The following PIWIL3 variants were observed in gnomAD, a reference collection of about 807,000 sequenced individuals.
PIWIL3 encodes the protein piwi like RNA-mediated gene silencing 3.
A neutral mutation model predicts 109.7 loss-of-function variants in PIWIL3; 101 were observed. That is an observed-to-expected ratio of 0.92 (90% confidence interval 0.78 to 1.09). The LOEUF is 1.09. PIWIL3 is among the 50% of genes least tolerant of loss of function. PIWIL3 has a pLI of 0.00. For missense variants in PIWIL3, 1,031 were observed against 1,072.6 expected, an observed-to-expected ratio of 0.96 and a Z score of 0.54; for synonymous variants, 373 against 376.4, an observed-to-expected ratio of 0.99 and a Z score of 0.10.
At position 24,773,686 on chromosome 22, in the gene PIWIL3, T is replaced by G. The variant is rs569829393; in HGVS notation, c.-23+636A>C. Among the ~76,000 whole-genome samples the G allele has an allele frequency of 1.4e-4, 21 of 151,780 alleles. No homozygotes were observed. In the South Asian group the frequency reaches 4.2e-3, roughly 30 times the overall value. On this transcript the variant is annotated intron_variant, in intron 1 of 20. Transcript: ENST00000616349. ...TTTAAAAGTAGGTTATTAAAGGATATGTACAAGACACTCTAGATTTTTTTT... is the reference window on the plus strand; with the variant it reads ...TTTAAAAGTAGGTTATTAAAGGATAGGTACAAGACACTCTAGATTTTTTTT...
intron 19 of PIWIL3, among the ~76,000 whole-genome samples, chr22:24,721,357 T>C (rs2147642243): frequency 6.6e-6 from 1 of 152,360 alleles, no homozygotes; most frequent in South Asian, 2.1e-4. Flanking sequence ...CTATAACATT[T>C]CTAAGTGTGA....
At chr22:24,760,245 C>A (rs1212030678) in intron 2 of PIWIL3, among the ~76,000 whole-genome samples, 1 of 152,142 alleles carries the variant, frequency 6.6e-6, no homozygotes, top group East Asian at 1.9e-4. Flanking sequence ...GGGCAGGTTT[C>A]ACTAGCTGAT....
chr22:24,773,703 A>AT (rs61034646), intron 1 of PIWIL3, among the ~76,000 whole-genome samples: 5,365 of 110,048 alleles, frequency 0.049, 232 homozygotes, highest in East Asian at 0.096. Flanking sequence ...GACACTCTAG[A>AT]TTTTTTTTTT....
chr22:24,756,273 CATTGT>C (rs1925025666), intron 5 of PIWIL3, among the ~76,000 whole-genome samples: 1 of 151,822 alleles, frequency 6.6e-6, no homozygotes, highest in African/African-American at 2.4e-5. Flanking sequence ...TTTTGAGCCA[CATTGT>C]ATTATTAAAT....
Position 24,749,438 on chromosome 22 carries a change from G to A in PIWIL3, c.1300C>T (p.His434Tyr), listed in dbSNP as rs2147694753. The A allele has an allele frequency of 6.2e-7, 1 of 1,613,876 alleles. No individual in the cohort carries two copies. Among genetic ancestry groups the A allele is most frequent in the Non-Finnish European group, 8.5e-7 (1 of 1,180,006 alleles). ...HTRLSPRRRH[H>Y]TLKEFINTLQ... ...GTATTGATGAATTCTTTTAATGTAT[G>A]ATGCCTTCTTCTTGGACTCAATCTT... Residue 434 changes from histidine to tyrosine, a missense_variant, in exon 11 of 21, where the codon CAT (histidine) becomes TAT (tyrosine). His to Tyr is a moderately conservative substitution (Grantham distance 83, BLOSUM62 2). Coordinates refer to ENST00000616349, the MANE Select transcript of PIWIL3 (RefSeq NM_001255975.1).
At chr22:24,745,292 A>T (rs185780357) in intron 12 of PIWIL3, among the ~76,000 whole-genome samples, 42 of 152,308 alleles carry the variant, frequency 2.8e-4, no homozygotes, top group Admixed American at 4.6e-4. Flanking sequence ...CTAATGACGC[A>T]TCTTAAAGAA....
rs1555914379 is a variant in PIWIL3, at chr22:24,770,678, A to AAAAT, written c.-23+3643_-23+3644insATTT. Among the ~76,000 whole-genome samples the AAAAT allele has an allele frequency of 9.7e-3, 1,382 of 142,494 alleles. 26 individuals are homozygous for AAAAT. Among genetic ancestry groups the AAAAT allele is most frequent in the African/African-American group, 0.035 (1,311 of 37,978 alleles). 93.5% of individuals were successfully genotyped at this position (142,494 alleles called of 152,430 possible). A position where few individuals can be genotyped will look rare whatever the true frequency, so the allele number is the denominator to read the frequency against. On this transcript the variant is annotated intron_variant, in intron 1 of 20. Transcript: ENST00000616349. ...TCTCTACTAAAAAAAAAAAAAAAAA[A>AAAAT]ACAAAAATTAGCCGGGCATGGTGGC...
chr22:24,762,188 G>GA lies in PIWIL3; in HGVS notation c.102+209dup, dbSNP rs1313077493. ...TGAAAGTCAGTCTGCTTGCACATGTGAAAATGTGAGAAGGAAGCAGTGGAG... is the reference window on the plus strand; with the variant it reads ...TGAAAGTCAGTCTGCTTGCACATGTGAAAAATGTGAGAAGGAAGCAGTGGAG... On this transcript the variant is annotated intron_variant, in intron 2 of 20. Coordinates refer to ENST00000616349, the MANE Select transcript of PIWIL3 (RefSeq NM_001255975.1). 8 of 990,282 alleles carry GA rather than the reference G, an allele frequency of 8.1e-6. No individual in the cohort carries two copies. In the East Asian group the frequency reaches 2.7e-4, roughly 34 times the overall value. The allele number at this position is 990,282 out of a possible 1,614,324, so 61.3% of individuals were successfully genotyped here. A position where few individuals can be genotyped will look rare whatever the true frequency, so the allele number is the denominator to read the frequency against.
At chr22:24,758,491 A>G (rs953808982) in intron 3 of PIWIL3, among the ~76,000 whole-genome samples, 2 of 152,240 alleles carry the variant, frequency 1.3e-5, no homozygotes, top group Admixed American at 1.3e-4. Flanking sequence ...TCACTATTTC[A>G]ACTTACATTC....
intron 12 of PIWIL3, among the ~76,000 whole-genome samples, chr22:24,738,158 AAG>A (rs2147671067): frequency 6.6e-6 from 1 of 152,272 alleles, no homozygotes; most frequent in East Asian, 1.9e-4. Flanking sequence ...CAAAAAAAGA[AAG>A]AAAAAGAAAA....
intron 14 of PIWIL3, among the ~76,000 whole-genome samples, chr22:24,730,524 A>C (rs566359124): frequency 6.6e-6 from 1 of 152,184 alleles, no homozygotes; most frequent in African/African-American, 2.4e-5. Context: ...GCTGCCATGA[A>C]TTACAATCAT....
chr22:24,740,379 T>C (rs1483502596), intron 12 of PIWIL3, among the ~76,000 whole-genome samples: 3 of 151,300 alleles, frequency 2.0e-5, no homozygotes, highest in Non-Finnish European at 3.0e-5. Context: ...AAACCCCGTC[T>C]CTACTAAAAA....
chr22:24,735,751 T>G lies in PIWIL3; in HGVS notation c.1591A>C (p.Ser531Arg). The change falls in exon 13 of 21, where the codon AGT (serine) becomes CGT (arginine). Residue 531 changes from serine (S) to arginine (R), a missense_variant. By Grantham distance (110) the Ser-to-Arg change is moderately radical. Transcript: ENST00000616349. ...EAMSLKGHLQ[S>R]VTAPMGITMK... The stretch of plus-strand genomic sequence containing the variant: ...GTTATGCCCATGGGGGCTGTGACAC[T>G]CTGTAGATGACCCTTTAAGGACATG... The G allele has an allele frequency of 6.2e-7, 1 of 1,612,958 alleles. No individual in the cohort carries two copies. The highest frequency in any genetic ancestry group is 8.5e-7 in the Non-Finnish European group (1 of 1,179,660).
chr22:24,727,511 A>G (rs1923068013), intron 16 of PIWIL3, among the ~76,000 whole-genome samples: 1 of 152,196 alleles, frequency 6.6e-6, no homozygotes, highest in African/African-American at 2.4e-5. Flanking sequence ...CAACAACAAC[A>G]AAAACCAGGG....
At chr22:24,762,027 T>C in intron 2 of PIWIL3, 1 of 999,510 alleles carries the variant, frequency 1.0e-6, no homozygotes, top group Non-Finnish European at 1.2e-6. Context: ...ATAACAAGTT[T>C]TCAACAAGGC....
intron 12 of PIWIL3, among the ~76,000 whole-genome samples, chr22:24,743,481 T>C (rs1924128088): frequency 6.6e-6 from 1 of 152,238 alleles, no homozygotes; most frequent in African/African-American, 2.4e-5. Context: ...AATGTGTATA[T>C]TCATACCATG....
intron 12 of PIWIL3, among the ~76,000 whole-genome samples, chr22:24,736,874 A>G (rs1923688469): frequency 6.6e-6 from 1 of 152,220 alleles, no homozygotes; most frequent in Non-Finnish European, 1.5e-5. Flanking sequence ...TAGGGGGAAC[A>G]TTTGATTCTG....
At chr22:24,726,316 T>G (rs1339381778) in intron 16 of PIWIL3, among the ~76,000 whole-genome samples, 1 of 151,754 alleles carries the variant, frequency 6.6e-6, no homozygotes, top group African/African-American at 2.4e-5. Flanking sequence ...GGAGTCTCGC[T>G]CTGTCACCCA....
chr22:24,770,715 A>G (rs939512320), intron 1 of PIWIL3, among the ~76,000 whole-genome samples: 5 of 151,344 alleles, frequency 3.3e-5, no homozygotes, highest in Non-Finnish European at 7.4e-5. Flanking sequence ...GGCACCTGTA[A>G]TACCAGCTAC....
Sources: gnomAD v4.1 joint callset for allele counts (sites outside exome capture counted in the v4.1 genomes callset) on GRCh38, gnomAD v4.1.1 for gene constraint, MANE v1.5 for transcripts, NCBI Gene and HGNC (gene_info 2026-07-23, HGNC 2026-07-21) for gene names.